Variants in ASIP observed in about 807,000 individuals in gnomAD.
The protein encoded by ASIP is agouti signaling protein, also known as agouti-signaling protein.
Under a neutral mutation model 10.3 loss-of-function variants are expected in ASIP, and 11 were observed. The observed-to-expected ratio is 1.07, with a 90% CI of 0.68 to 1.78. ASIP has a LOEUF of 1.78. Ranked by LOEUF, ASIP falls within the 40% of genes most tolerant of loss-of-function variation. ASIP has a pLI of 0.00. For missense variants in ASIP, 180 were observed against 169.2 expected (o/e 1.06, Z -0.35); for synonymous variants, 70 against 70.8 (o/e 0.99, Z 0.06).
At chr20:34,220,021 C>G (rs6059730) in intron 1 of ASIP, among the ~76,000 whole-genome samples, 282 of 151,910 alleles carry the variant, frequency 1.9e-3, no homozygotes, top group Non-Finnish European at 2.5e-3. Flanking sequence ...ACCCGGGAAG[C>G]GGAGCTTGCA....
intron 2 of ASIP, among the ~76,000 whole-genome samples, chr20:34,261,592 C>G (rs2035692614): frequency 6.6e-6 from 1 of 152,056 alleles, no homozygotes; most frequent in South Asian, 2.1e-4. Context: ...CATGATTGTG[C>G]CACTGCACTC....
chr20:34,217,113 C>T (rs990945862), intron 1 of ASIP, among the ~76,000 whole-genome samples: 1 of 152,046 alleles, frequency 6.6e-6, no homozygotes, highest in Admixed American at 6.6e-5. Flanking sequence ...TGCCCTTATC[C>T]CTAGAGTGGA....
At chr20:34,261,601 T>C (rs1440380830) in intron 2 of ASIP, among the ~76,000 whole-genome samples, 2 of 151,886 alleles carry the variant, frequency 1.3e-5, no homozygotes, top group African/African-American at 4.8e-5. Flanking sequence ...GCCACTGCAC[T>C]CCAGCCTGAG....
intron 1 of ASIP, among the ~76,000 whole-genome samples, chr20:34,254,242 T>C (rs2035532132): frequency 6.6e-6 from 1 of 152,166 alleles, no homozygotes; most frequent in African/African-American, 2.4e-5. Flanking sequence ...TTTGTATTTT[T>C]AGTAGAGACG....
At chr20:34,195,203 T>C (rs1318718973) in intron 1 of ASIP, among the ~76,000 whole-genome samples, 2 of 151,346 alleles carry the variant, frequency 1.3e-5, no homozygotes, top group Non-Finnish European at 2.9e-5. Flanking sequence ...GCTGTAGGAA[T>C]GCAGAACCCT....
chr20:34,251,277 T>TC (rs895318705), intron 1 of ASIP, among the ~76,000 whole-genome samples: 2 of 148,888 alleles, frequency 1.3e-5, no homozygotes, highest in African/African-American at 4.9e-5. Flanking sequence ...CTGTGTAACT[T>TC]TTTTTTTTTT....
Position 34,228,019 on chromosome 20 carries a change from A to C in ASIP, c.-10-32346A>C, listed in dbSNP as rs78780643. Among the ~76,000 whole-genome samples the C allele has an allele frequency of 2.5e-3, 385 of 152,348 alleles. 5 individuals are homozygous for C. The East Asian group carries it at 0.034, about 13-fold the overall frequency. ...TAATCTTTTCAGCAAATGGTACTGG[A>C]ACAGTTAGCCATATGCAATAAAATG... On this transcript the variant is annotated intron_variant, in intron 1 of 3. Transcript: ENST00000568305.
intron 1 of ASIP, chr20:34,215,814 G>C (rs1378036933): frequency 3.9e-6 from 6 of 1,531,700 alleles, no homozygotes; most frequent in Non-Finnish European, 5.4e-6. Context: ...ATCTTTAACT[G>C]CTCAAAATAG....
chr20:34,215,407 G>C, intron 1 of ASIP: 1 of 1,550,876 alleles, frequency 6.4e-7, no homozygotes, highest in South Asian at 1.1e-5. Flanking sequence ...AGCCTCCTCT[G>C]ATGTATGCAC....
Position 34,244,916 on chromosome 20 carries a change from G to A in ASIP, c.-11+3427G>A, listed in dbSNP as rs113050381. 2.1e-3 allele frequency among the ~76,000 whole-genome samples: 316 copies of A among 152,274 alleles called. 2 individuals carry two copies. Among genetic ancestry groups the A allele is most frequent in the Non-Finnish European group, 3.8e-3 (261 of 68,022 alleles). On this transcript the variant is annotated intron_variant, in intron 1 of 3. Coordinates refer to ENST00000374954, the MANE Select transcript of ASIP (RefSeq NM_001672.3). ...TGTCACATCAATGAAGCAAGGAGAC[G>A]TATTACTGGTTAGGAAGCCAAATTC...
chr20:34,250,626 G>A (rs931991925), intron 1 of ASIP, among the ~76,000 whole-genome samples: 14 of 152,202 alleles, frequency 9.2e-5, no homozygotes, highest in Admixed American at 2.0e-4. Flanking sequence ...GGTGAAACCC[G>A]ATCTCTACTA....
chr20:34,260,502 AC>A lies in ASIP; in HGVS notation c.130del (p.Leu44TyrfsTer12). 1 of 1,613,750 alleles carries A rather than the reference AC, an allele frequency of 6.2e-7. No individual in the cohort carries two copies. The highest frequency in any genetic ancestry group is 8.5e-7 in the Non-Finnish European group (1 of 1,179,788). ...AGCCTGAGAAGCAACTCCTCTGTGA[AC>A]CTACTGGATGTCCCTTCTGTCTCTA... ...DRSLRSNSSV[N>X]LLDVPSVSIV... On this transcript the variant is annotated frameshift_variant, in exon 2 of 4. Transcript: ENST00000374954. LOFTEE classifies it high-confidence loss of function.
chr20:34,199,845 G>A (rs2034881470), intron 1 of ASIP, among the ~76,000 whole-genome samples: 2 of 152,118 alleles, frequency 1.3e-5, no homozygotes, highest in Non-Finnish European at 2.9e-5. Flanking sequence ...GTTCACCATG[G>A]ATTTTTTTGC....
intron 1 of ASIP, among the ~76,000 whole-genome samples, chr20:34,230,713 G>T (rs2035115657): frequency 2.7e-5 from 1 of 36,894 alleles, no homozygotes; most frequent in African/African-American, 2.3e-4. Flanking sequence ...GGCTGGCCGG[G>T]CGGGGGGCTG....
intron 1 of ASIP, among the ~76,000 whole-genome samples, chr20:34,235,834 A>AAGG (rs2035180664): frequency 1.5e-5 from 1 of 67,230 alleles, no homozygotes; most frequent in African/African-American, 1.6e-4. Context: ...AGAAAGAAAG[A>AAGG]AAGAAAGAAG....
intron 1 of ASIP, among the ~76,000 whole-genome samples, chr20:34,223,040 C>T (rs569928759): frequency 2.1e-3 from 317 of 152,188 alleles, no homozygotes; most frequent in Non-Finnish European, 3.5e-3. Context: ...AGCCTCTGCC[C>T]GGCCGCCACC....
intron 1 of ASIP, among the ~76,000 whole-genome samples, chr20:34,256,594 T>C: frequency 6.6e-6 from 1 of 152,020 alleles, no homozygotes; most frequent in East Asian, 1.9e-4. Flanking sequence ...TGAGCCACCA[T>C]GCCTGGCCTC....
At chr20:34,266,408 C>T (rs1176486300) in intron 3 of ASIP, among the ~76,000 whole-genome samples, 1 of 151,592 alleles carries the variant, frequency 6.6e-6, no homozygotes, top group Admixed American at 6.6e-5. Flanking sequence ...CACGGTGGCT[C>T]ATAACTGTAA....
chr20:34,225,838 T>TA (rs1398064660), intron 1 of ASIP, among the ~76,000 whole-genome samples: 5 of 152,170 alleles, frequency 3.3e-5, no homozygotes, highest in African/African-American at 1.2e-4. Flanking sequence ...CTTGTTGGCA[T>TA]ATACAAAAAC....
Sources: allele counts gnomAD v4.1 joint callset (sites outside exome capture counted in the v4.1 genomes callset), GRCh38; gene constraint gnomAD v4.1.1; transcripts MANE v1.5; gene names NCBI Gene and HGNC (gene_info 2026-07-23, HGNC 2026-07-21).